The following KIF5C variants were observed in gnomAD, a reference collection of about 807,000 sequenced individuals.
The protein encoded by KIF5C is kinesin family member 5C.
KIF5C carries 18 observed loss-of-function variants against 125.2 expected under a neutral mutation model. The observed-to-expected ratio is 0.14, with a 90% CI of 0.10 to 0.21. The LOEUF (loss-of-function observed/expected upper bound fraction) is 0.21. Ranked by LOEUF, KIF5C falls within the 10% of genes least tolerant of loss-of-function variation. KIF5C has a pLI of 1.00. For missense variants in KIF5C, 780 were observed against 1,183.8 expected (o/e 0.66, Z 5.01); for synonymous variants, 405 against 434.0 (o/e 0.93, Z 0.83).
chr2:149,024,965 G>A lies in KIF5C; in HGVS notation c.*1895G>A, dbSNP rs1682647476. Reference sequence around the variant, plus strand: ...GAAGCTAAACATTGGTGTTTGAGAGGATTGCCAATTATTAATTGTCATTAC... The same window carrying A: ...GAAGCTAAACATTGGTGTTTGAGAGAATTGCCAATTATTAATTGTCATTAC... On this transcript the variant is annotated 3_prime_UTR_variant, in exon 26 of 26. Transcript: ENST00000435030. The A allele has an allele frequency of 6.6e-6, 1 of 152,082 alleles. No individual in the cohort carries two copies. Among genetic ancestry groups the A allele is most frequent in the South Asian group, 2.1e-4 (1 of 4,824 alleles). The allele number at this position is 152,082 out of a possible 1,614,324, so 9.4% of individuals were successfully genotyped here.
At chr2:148,890,669 A>G (rs1681682882) in intron 1 of KIF5C, among the ~76,000 whole-genome samples, 1 of 152,140 alleles carries the variant, frequency 6.6e-6, no homozygotes, top group Non-Finnish European at 1.5e-5. Context: ...GATTTAGTTG[A>G]GTTGGTATTC....
chr2:148,938,995 T>C (rs1053787754), intron 4 of KIF5C, among the ~76,000 whole-genome samples: 1 of 151,022 alleles, frequency 6.6e-6, no homozygotes, highest in African/African-American at 2.4e-5. Context: ...CTCAGGAGGC[T>C]GAGGCACGAG....
chr2:148,932,883 G>A (rs1043161132), intron 3 of KIF5C, among the ~76,000 whole-genome samples: 38 of 152,228 alleles, frequency 2.5e-4, no homozygotes, highest in African/African-American at 8.9e-4. Context: ...AACTGGGGCT[G>A]GAACAAAGAG....
chr2:148,882,585 A>G (rs578019069), intron 1 of KIF5C, among the ~76,000 whole-genome samples: 40 of 152,160 alleles, frequency 2.6e-4, no homozygotes, highest in Non-Finnish European at 5.4e-4. Flanking sequence ...AGGCTGCTCA[A>G]TGCCCATCCC....
chr2:149,000,691 T>C (rs749062075), intron 20 of KIF5C, 31 bp from the exon 21 acceptor site: 5 of 1,612,260 alleles, frequency 3.1e-6, no homozygotes, highest in African/African-American at 2.7e-5. Flanking sequence ...GAGTCCCCTG[T>C]GGTGGTCTAT....
chr2:148,886,004 A>G (rs1378408853), intron 1 of KIF5C: 1 of 152,206 alleles, frequency 6.6e-6, no homozygotes, highest in Non-Finnish European at 1.5e-5. Flanking sequence ...TTTTCTCTGA[A>G]CAACCTGTCT....
intron 10 of KIF5C, among the ~76,000 whole-genome samples, chr2:148,951,047 G>T (rs1396823357): frequency 6.6e-6 from 1 of 152,188 alleles, no homozygotes; most frequent in African/African-American, 2.4e-5. Context: ...AATTGGAAAT[G>T]CATTGGGGTG....
chr2:148,957,994 G>A (rs1253126593), intron 10 of KIF5C, among the ~76,000 whole-genome samples: 5 of 151,416 alleles, frequency 3.3e-5, no homozygotes, highest in Admixed American at 6.6e-5. Flanking sequence ...TTCATACAGC[G>A]TTTTATCTGT....
intron 1 of KIF5C, among the ~76,000 whole-genome samples, chr2:148,895,165 A>G (rs1681806179): frequency 6.6e-6 from 1 of 151,812 alleles, no homozygotes; most frequent in Non-Finnish European, 1.5e-5. Flanking sequence ...TTTTTTTGAG[A>G]TGGAGTCTCT....
intron 12 of KIF5C, among the ~76,000 whole-genome samples, chr2:148,976,911 G>A (rs1436645468): frequency 6.6e-6 from 1 of 152,142 alleles, no homozygotes; most frequent in Non-Finnish European, 1.5e-5. Context: ...GAAAATTCAA[G>A]TATAAAATAC....
At chr2:148,965,499 T>C (rs1683028450) in intron 11 of KIF5C, among the ~76,000 whole-genome samples, 1 of 152,106 alleles carries the variant, frequency 6.6e-6, no homozygotes, top group Admixed American at 6.5e-5. Flanking sequence ...GAACTGACTT[T>C]AGTGATGTAA....
chr2:148,985,014 G>T (rs1469160669), intron 15 of KIF5C, among the ~76,000 whole-genome samples: 2 of 152,130 alleles, frequency 1.3e-5, no homozygotes, highest in African/African-American at 4.8e-5. Flanking sequence ...TATTGGCCAG[G>T]CTGGTCTCGA....
chr2:148,938,701 G>A lies in KIF5C; in HGVS notation c.396+1313G>A, dbSNP rs114044518. On this transcript the variant is annotated intron_variant, in intron 4 of 25. Coordinates refer to ENST00000435030, the MANE Select transcript of KIF5C (RefSeq NM_004522.3). ...TGAAGGGGCAGTTCTAAGAAGCCTC[G>A]CTAAGCAGATCTGCTAAGAGATTTC... Among the ~76,000 whole-genome samples, 1,515 of 152,200 alleles carry A rather than the reference G, an allele frequency of 1.0e-2. 23 individuals are homozygous for A. Among genetic ancestry groups the A allele is most frequent in the African/African-American group, 0.033 (1,350 of 41,502 alleles).
intron 23 of KIF5C, among the ~76,000 whole-genome samples, chr2:149,009,641 A>T (rs1682122904): frequency 1.3e-5 from 2 of 152,114 alleles, no homozygotes; most frequent in Admixed American, 6.5e-5. Flanking sequence ...TAGCCTCTGG[A>T]TGTGTTGCAA....
rs538495840 is a variant in KIF5C at position 148,984,535 on chromosome 2, A to AATC, written c.1716+774_1716+776dup. Reference sequence around the variant, plus strand: ...GTAGCAAAATAGCTGCTGTAGTACCAATCATCACATCCTCACTCAACCACA... The same window carrying AATC: ...GTAGCAAAATAGCTGCTGTAGTACCAATCATCATCACATCCTCACTCAACCACA... On this transcript the variant is annotated intron_variant, in intron 15 of 25. Coordinates refer to ENST00000435030, the MANE Select transcript of KIF5C (RefSeq NM_004522.3). Among the ~76,000 whole-genome samples the AATC allele has an allele frequency of 2.8e-3, 422 of 152,244 alleles. 1 individual carries two copies. Among genetic ancestry groups the AATC allele is most frequent in the African/African-American group, 9.8e-3 (406 of 41,540 alleles).
intron 16 of KIF5C, among the ~76,000 whole-genome samples, chr2:148,993,746 C>T (rs1231005951): frequency 6.6e-6 from 1 of 152,208 alleles, no homozygotes; most frequent in East Asian, 1.9e-4. Flanking sequence ...CCCTGTTCAG[C>T]CAACAAGCTC....
chr2:149,010,258 C>A lies in KIF5C; in HGVS notation c.2674C>A (p.Arg892=), dbSNP rs755736014. ...ALKEAKENAM[R]DRKRYQQEVD... The stretch of plus-strand genomic sequence containing the variant: ...GAAGGAGGCCAAGGAGAACGCCATG[C>A]GGGACCGTAAGCGCTACCAGCAGGA... The change falls in exon 24 of 26, where the codon CGG becomes AGG. Residue 892 remains arginine (R), a synonymous_variant. Transcript: ENST00000435030. The A allele has an allele frequency of 1.4e-5, 23 of 1,590,784 alleles. No homozygotes were observed. In the Admixed American group the frequency reaches 3.7e-4, roughly 26 times the overall value.
chr2:149,011,767 T>C (rs1682208790), intron 25 of KIF5C, 84 bp downstream of exon 25: 2 of 1,564,300 alleles, frequency 1.3e-6, no homozygotes, highest in Non-Finnish European at 1.7e-6. Flanking sequence ...CAGTGGACCT[T>C]GAGTAGAGAG....
intron 10 of KIF5C, among the ~76,000 whole-genome samples, chr2:148,958,575 A>G (rs1047488644): frequency 1.7e-4 from 26 of 152,180 alleles, no homozygotes; most frequent in Admixed American, 1.3e-3. Flanking sequence ...TGTATTTTAT[A>G]TATCTTCTCC....
Sources: gnomAD v4.1 joint callset for allele counts (sites outside exome capture counted in the v4.1 genomes callset) on GRCh38, gnomAD v4.1.1 for gene constraint, MANE v1.5 for transcripts, NCBI Gene and HGNC (gene_info 2026-07-23, HGNC 2026-07-21) for gene names.